ZDHHC13: variants seen among roughly 807,000 people sequenced by gnomAD.
The protein encoded by ZDHHC13 is zDHHC palmitoyltransferase 13.
ZDHHC13 carries 85 observed loss-of-function variants against 86.0 expected under a neutral mutation model. The observed-to-expected ratio is 0.99, with a 90% CI of 0.83 to 1.18. The LOEUF (loss-of-function observed/expected upper bound fraction) is 1.18. Among genes scored for constraint, ZDHHC13 ranks in the 50% most tolerant of loss-of-function variants. ZDHHC13 has a pLI of 0.00. For missense variants in ZDHHC13, 711 were observed against 730.2 expected, an observed-to-expected ratio of 0.97 and a Z score of 0.30; for synonymous variants, 263 against 246.4, an observed-to-expected ratio of 1.07 and a Z score of -0.63.
Position 19,142,169 on chromosome 11 carries a change from A to G in ZDHHC13, c.28-809A>G, listed in dbSNP as rs117736655. Among the ~76,000 whole-genome samples the G allele has an allele frequency of 9.0e-4, 137 of 152,260 alleles. 1 individual carries two copies. The East Asian group carries it at 0.022, about 24-fold the overall frequency. On this transcript the variant is annotated intron_variant, in intron 1 of 16. Transcript: ENST00000446113. ...GGTCCTCTTTCTAGTTCATTTGGTT[A>G]TTAGCAGAATTCAGTTTCTTGCTGT...
chr11:19,138,598 G>C (rs1289879482), intron 1 of ZDHHC13, among the ~76,000 whole-genome samples: 2 of 151,768 alleles, frequency 1.3e-5, no homozygotes, highest in African/African-American at 4.9e-5. Context: ...AAGCCGGGCA[G>C]AGACACAACC....
intron 9 of ZDHHC13, among the ~76,000 whole-genome samples, chr11:19,156,292 T>C (rs983292653): frequency 6.6e-6 from 1 of 152,244 alleles, no homozygotes; most frequent in Non-Finnish European, 1.5e-5. Context: ...TTTTTCCTTT[T>C]TCTAAATTTA....
At chr11:19,165,261 A>G (rs1275532238) in intron 13 of ZDHHC13, 116 bp downstream of exon 13, 2 of 892,604 alleles carry the variant, frequency 2.2e-6, no homozygotes, top group Non-Finnish European at 3.5e-6. Context: ...TAGTATTCCA[A>G]TAGCAATGGG....
At chr11:19,173,180 G>C (rs924581561) in intron 16 of ZDHHC13, among the ~76,000 whole-genome samples, 1 of 152,162 alleles carries the variant, frequency 6.6e-6, no homozygotes, top group Non-Finnish European at 1.5e-5. Flanking sequence ...GCCACAGGGT[G>C]CTCTGTAGAG....
intron 11 of ZDHHC13, among the ~76,000 whole-genome samples, chr11:19,163,961 A>T (rs987589350): frequency 6.6e-6 from 1 of 152,092 alleles, no homozygotes; most frequent in Non-Finnish European, 1.5e-5. Flanking sequence ...TTTGATGTAT[A>T]CTGGTGGGTT....
rs1332795849 is a variant in ZDHHC13 at position 19,143,005 on chromosome 11, C to A, written c.55C>A (p.Pro19Thr). 7.4e-6 allele frequency: 12 copies of A among 1,610,800 alleles called. No homozygotes were observed. Among genetic ancestry groups the A allele is most frequent in the Non-Finnish European group, 1.0e-5 (12 of 1,178,312 alleles). Reference sequence around the variant, plus strand: ...CAGGAATCACAGCCATGGCCCCCACCCTCCAGGATTTGGTCGATATGGCAT... The same window carrying A: ...CAGGAATCACAGCCATGGCCCCCACACTCCAGGATTTGGTCGATATGGCAT... ...QCRNHSHGPH[P>T]PGFGRYGICA... The change falls in exon 2 of 17, where the codon CCT (proline) becomes ACT (threonine). Residue 19 changes from proline to threonine, a missense_variant. Coordinates refer to ENST00000446113, the MANE Select transcript of ZDHHC13 (RefSeq NM_019028.3).
intron 1 of ZDHHC13, among the ~76,000 whole-genome samples, chr11:19,140,834 C>T (rs1026839144): frequency 6.8e-6 from 1 of 147,590 alleles, no homozygotes; most frequent in East Asian, 2.0e-4. Flanking sequence ...CCAAACACTG[C>T]ATATTCTCAC....
At chr11:19,170,304 A>G (rs7114038) in intron 14 of ZDHHC13, 107 bp from the exon 15 acceptor site, 722,194 of 1,449,310 alleles carry the variant, frequency 0.5, 186,544 homozygotes, top group South Asian at 0.54. Flanking sequence ...GATCTGTGCC[A>G]TACTTTCTCT....
At chr11:19,125,363 G>T (rs1185371233) in intron 1 of ZDHHC13, among the ~76,000 whole-genome samples, 1 of 152,138 alleles carries the variant, frequency 6.6e-6, no homozygotes, top group African/African-American at 2.4e-5. Context: ...TGGCAAATAA[G>T]CATGTGAAAA....
intron 1 of ZDHHC13, among the ~76,000 whole-genome samples, chr11:19,127,671 T>C (rs954866195): frequency 2.0e-5 from 3 of 152,256 alleles, no homozygotes; most frequent in Non-Finnish European, 2.9e-5. Context: ...TGCATATGAC[T>C]AGCCAGTAAT....
intron 1 of ZDHHC13, among the ~76,000 whole-genome samples, chr11:19,124,139 A>T (rs1565017764): frequency 1.3e-5 from 2 of 152,228 alleles, no homozygotes; most frequent in East Asian, 3.9e-4. Context: ...TGTTGAATGA[A>T]TTATACTAGA....
At chr11:19,135,243 G>A (rs911560421) in intron 1 of ZDHHC13, among the ~76,000 whole-genome samples, 23 of 152,360 alleles carry the variant, frequency 1.5e-4, no homozygotes, top group South Asian at 1.2e-3. Flanking sequence ...AGCAGGGCGA[G>A]GCGTTGCCTC....
chr11:19,169,957 T>A, intron 14 of ZDHHC13: 2 of 993,888 alleles, frequency 2.0e-6, no homozygotes, highest in Non-Finnish European at 2.4e-6. Context: ...TGTATTCTGA[T>A]GATATCTAGG....
At position 19,152,623 on chromosome 11, in the gene ZDHHC13, C is replaced by T. The variant is rs1849644705; in HGVS notation, c.812C>T (p.Thr271Ile). ...KNQLIIHMLK[T>I]EAKMRANQKF... ...CAGCTCATTATTCATATGCTAAAAA[C>T]AGAAGCCAAAATGAGAGCCAACCAA... The change falls in exon 8 of 17, where the codon ACA (threonine) becomes ATA (isoleucine). Residue 271 changes from threonine to isoleucine, a missense_variant. Transcript: ENST00000446113. 9 of 1,613,290 alleles carry T rather than the reference C, an allele frequency of 5.6e-6. No homozygotes were observed. The highest frequency in any genetic ancestry group is 7.6e-6 in the Non-Finnish European group (9 of 1,179,408).
chr11:19,128,279 G>A (rs892359287), intron 1 of ZDHHC13, among the ~76,000 whole-genome samples: 16 of 152,074 alleles, frequency 1.1e-4, no homozygotes, highest in African/African-American at 3.1e-4. Context: ...GAATGCTAAC[G>A]ATTTTTGTAT....
At chr11:19,152,458 A>G in intron 7 of ZDHHC13, 101 bp from the exon 8 acceptor site, 2 of 1,450,644 alleles carry the variant, frequency 1.4e-6, no homozygotes, top group Non-Finnish European at 1.8e-6. Context: ...CTATCCTTGG[A>G]ATAATGTGTT....
At chr11:19,170,172 A>C in intron 14 of ZDHHC13, 1 of 1,295,296 alleles carries the variant, frequency 7.7e-7, no homozygotes, top group Non-Finnish European at 9.7e-7. Flanking sequence ...CTTTTTCTTT[A>C]TTCCTTCACT....
rs771630674 is a variant in ZDHHC13, at chr11:19,155,788, CT to C, written c.874-6del. 98 of 1,610,512 alleles carry C rather than the reference CT, an allele frequency of 6.1e-5. 2 individuals carry two copies. In the South Asian group the frequency reaches 1.1e-3, roughly 18 times the overall value. On this transcript the variant is annotated splice_region_variant and splice_polypyrimidine_tract_variant and intron_variant, in intron 8 of 16. Coordinates refer to ENST00000446113, the MANE Select transcript of ZDHHC13 (RefSeq NM_019028.3). Reference sequence around the variant, plus strand: ...CATAAAGTTCTAAAATTCTGAATCTCTTAATAGCTCTTCCTGCTGCTGATGC... The same window carrying C: ...CATAAAGTTCTAAAATTCTGAATCTCTAATAGCTCTTCCTGCTGCTGATGC...
At chr11:19,159,651 AATAGCAGCCTG>A (rs1457391898) in intron 10 of ZDHHC13, among the ~76,000 whole-genome samples, 3 of 151,964 alleles carry the variant, frequency 2.0e-5, no homozygotes, top group Admixed American at 2.0e-4. Flanking sequence ...CTCACTAATG[AATAGCAGCCTG>A]AGATTAAAAC....
Sources: allele counts gnomAD v4.1 joint callset (sites outside exome capture counted in the v4.1 genomes callset), GRCh38; gene constraint gnomAD v4.1.1; transcripts MANE v1.5; gene names NCBI Gene and HGNC (gene_info 2026-07-23, HGNC 2026-07-21).